ZNF354A: variants seen among roughly 807,000 people sequenced by gnomAD.
The protein encoded by ZNF354A is zinc finger protein 354A.
A neutral mutation model predicts 53.3 loss-of-function variants in ZNF354A; 25 were observed. The observed-to-expected ratio is 0.47, with a 90% CI of 0.34 to 0.66. ZNF354A has a LOEUF of 0.66. Among genes scored for constraint, ZNF354A ranks in the 30% least tolerant of loss-of-function variants. ZNF354A has a pLI of 0.01. For synonymous variants in ZNF354A, 228 were observed against 249.0 expected, an observed-to-expected ratio of 0.92 and a Z score of 0.79; for missense variants, 586 against 716.8, an observed-to-expected ratio of 0.82 and a Z score of 2.08.
intron 1 of ZNF354A, chr5:178,729,299 G>GCT (rs1464478664): frequency 1.8e-6 from 1 of 565,674 alleles, no homozygotes; most frequent in African/African-American, 1.9e-5. Flanking sequence ...TGGCAGCAGC[G>GCT]ACCCGCTGAG....
rs542067743 is a variant in ZNF354A at position 178,713,705 on chromosome 5, T to C, written c.257-84A>G. ...AGACTAAAAGTGTAGAAGGAATAAA[T>C]ATTGGTGACATTTAAATAAGACCCT... is the stretch of plus-strand genomic sequence containing the variant. On this transcript the variant is annotated intron_variant, in intron 4 of 4. Transcript: ENST00000335815. 82 of 1,444,404 alleles carry C rather than the reference T, an allele frequency of 5.7e-5. No individual in the cohort carries two copies. In the African/African-American group the frequency reaches 1.1e-3, roughly 19 times the overall value. The allele number at this position is 1,444,404 out of a possible 1,614,324, so 89.5% of individuals were successfully genotyped here. A position where few individuals can be genotyped will look rare whatever the true frequency, so the allele number is the denominator to read the frequency against.
At chr5:178,716,402 ACATGCAGCTT>A (rs1419389132) in intron 4 of ZNF354A, among the ~76,000 whole-genome samples, 1 of 152,120 alleles carries the variant, frequency 6.6e-6, no homozygotes, top group African/African-American at 2.4e-5. Flanking sequence ...ATGCTGAACT[ACATGCAGCTT>A]CAGGAGCACT....
intron 4 of ZNF354A, among the ~76,000 whole-genome samples, chr5:178,720,438 C>T (rs961006899): frequency 6.6e-6 from 1 of 152,184 alleles, no homozygotes; most frequent in East Asian, 1.9e-4. Flanking sequence ...AATTTGGACA[C>T]AGGCATCCAG....
At chr5:178,723,503 T>G (rs180983203) in intron 4 of ZNF354A, among the ~76,000 whole-genome samples, 1 of 152,234 alleles carries the variant, frequency 6.6e-6, no homozygotes. Context: ...TGGACCTTCA[T>G]GAACACCTTT....
intron 4 of ZNF354A, among the ~76,000 whole-genome samples, chr5:178,720,650 C>T (rs950752255): frequency 1.3e-5 from 2 of 152,206 alleles, no homozygotes; most frequent in Non-Finnish European, 2.9e-5. Context: ...AACTGTGAGA[C>T]AGTAAATCTC....
intron 1 of ZNF354A, among the ~76,000 whole-genome samples, chr5:178,729,763 T>C (rs1033058896): frequency 2.0e-5 from 3 of 151,632 alleles, no homozygotes; most frequent in African/African-American, 7.3e-5. Flanking sequence ...CCCAGGCTGG[T>C]CTCGAACTCC....
chr5:178,729,546 C>T (rs1472466338), intron 1 of ZNF354A, among the ~76,000 whole-genome samples: 1 of 149,886 alleles, frequency 6.7e-6, no homozygotes, highest in South Asian at 2.1e-4. Flanking sequence ...CCCGACTCCA[C>T]GGAAAACGGC....
intron 4 of ZNF354A, among the ~76,000 whole-genome samples, chr5:178,716,579 G>C (rs1283457859): frequency 2.6e-5 from 4 of 152,140 alleles, no homozygotes; most frequent in African/African-American, 7.2e-5. Flanking sequence ...CTTATACTTT[G>C]GAGTGTGCGC....
rs369423717 is a variant in ZNF354A at position 178,727,044 on chromosome 5, A to G, written c.115T>C (p.Tyr39His). The G allele has an allele frequency of 9.9e-6, 16 of 1,613,934 alleles. No homozygotes were observed. Among genetic ancestry groups the G allele is most frequent in the Non-Finnish European group, 1.4e-5 (16 of 1,179,952 alleles). Residue 39 changes from tyrosine to histidine, a missense_variant, in exon 3 of 5, where the codon TAC (tyrosine) becomes CAC (histidine). By Grantham distance (83) the Tyr-to-His change is moderately conservative. Around this residue, in one of 2 missense-constraint regions of ZNF354A, gnomAD observed 573 missense variants for 680.1 expected, o/e 0.84. Transcript: ENST00000335815. ...RKLAPSQRNL[Y>H]RDVMLENYRN... ...TAGTTCTCCAGCATCACATCCCGGTACAAGTTTCTCTGAGAAGGGGCCAGC... is the reference window on the plus strand; with the variant it reads ...TAGTTCTCCAGCATCACATCCCGGTGCAAGTTTCTCTGAGAAGGGGCCAGC...
At chr5:178,724,129 C>T (rs1029103143) in intron 4 of ZNF354A, among the ~76,000 whole-genome samples, 6 of 152,076 alleles carry the variant, frequency 3.9e-5, no homozygotes, top group Admixed American at 6.5e-5. Context: ...ACGTGGGCGC[C>T]GCCTCCTCCC....
rs756534992 is a variant in ZNF354A at position 178,712,179 on chromosome 5, C to T, written c.1699G>A (p.Ala567Thr). ...TCTCCAGTATGAATTCTCTGATGTG[C>T]AATACGTGATGAGCTTTGTCTAAAA... ...KTFRQSSSRI[A>T]HQRIHTGEKP... The change falls in exon 5 of 5, where the codon GCA becomes ACA. Residue 567 changes from alanine (A) to threonine (T), a missense_variant. Ala to Thr is a moderately conservative substitution (Grantham distance 58). Transcript: ENST00000335815. The T allele has an allele frequency of 1.9e-5, 31 of 1,613,664 alleles. No homozygotes were observed. The highest frequency in any genetic ancestry group is 2.5e-5 in the Non-Finnish European group (29 of 1,179,936).
At chr5:178,720,238 C>T (rs992123297) in intron 4 of ZNF354A, among the ~76,000 whole-genome samples, 3 of 152,212 alleles carry the variant, frequency 2.0e-5, no homozygotes, top group Non-Finnish European at 4.4e-5. Context: ...ACCAGCAACA[C>T]TATTCTATTG....
intron 4 of ZNF354A, among the ~76,000 whole-genome samples, chr5:178,714,093 C>T (rs1429172699): frequency 1.3e-5 from 2 of 151,678 alleles, no homozygotes; most frequent in Non-Finnish European, 2.9e-5. Context: ...TGCAACCGGT[C>T]TCCTGGCTTC....
Position 178,711,994 on chromosome 5 carries a change from T to A in ZNF354A, c.*66A>T. On this transcript the variant is annotated 3_prime_UTR_variant, in exon 5 of 5. Coordinates refer to ENST00000335815, the MANE Select transcript of ZNF354A (RefSeq NM_005649.3). ...TTTCACATCCATTACATTTATTACA[T>A]CTCTCTCAAGGATGTATTCTTCGAT... 4 of 1,503,622 alleles carry A rather than the reference T, an allele frequency of 2.7e-6. No individual in the cohort carries two copies. Among genetic ancestry groups the A allele is most frequent in the Non-Finnish European group, 3.5e-6 (4 of 1,127,640 alleles). The allele number at this position is 1,503,622 out of a possible 1,614,324, so 93.1% of individuals were successfully genotyped here.
intron 4 of ZNF354A, among the ~76,000 whole-genome samples, chr5:178,723,386 G>A (rs988490525): frequency 1.3e-5 from 2 of 152,302 alleles, no homozygotes; most frequent in Middle Eastern, 3.4e-3. Flanking sequence ...GGCTACTTAC[G>A]GCTCCTCAGA....
Position 178,730,572 on chromosome 5 carries a change from G to T in ZNF354A, c.-68C>A, listed in dbSNP as rs76563149. 36,769 of 151,742 alleles carry T rather than the reference G, an allele frequency of 0.24. 5,194 individuals are homozygous for T. The highest frequency in any genetic ancestry group is 0.34 in the South Asian group (1,661 of 4,820). 9.4% of individuals were successfully genotyped at this position (151,742 alleles called of 1,614,324 possible). A position where few individuals can be genotyped will look rare whatever the true frequency, so the allele number is the denominator to read the frequency against. On this transcript the variant is annotated 5_prime_UTR_variant, in exon 1 of 5. Coordinates refer to ENST00000335815, the MANE Select transcript of ZNF354A (RefSeq NM_005649.3). The stretch of plus-strand genomic sequence containing the variant: ...GACGCTCACCTCCCTAAGCTCGAGC[G>T]TCCCGGGCCGCGCCTCCCCAGCCGC...
At chr5:178,723,295 G>A (rs561390665) in intron 4 of ZNF354A, among the ~76,000 whole-genome samples, 1 of 152,312 alleles carries the variant, frequency 6.6e-6, no homozygotes, top group Admixed American at 6.5e-5. Flanking sequence ...TGAGCCCTCT[G>A]GACCTGACAA....
chr5:178,717,133 A>G (rs1004275598), intron 4 of ZNF354A, among the ~76,000 whole-genome samples: 49 of 151,200 alleles, frequency 3.2e-4, no homozygotes, highest in African/African-American at 1.1e-3. Flanking sequence ...GTGGAGCAGG[A>G]GGTGGGGGAC....
intron 4 of ZNF354A, among the ~76,000 whole-genome samples, chr5:178,715,999 T>C (rs1469588266): frequency 2.0e-5 from 3 of 151,332 alleles, no homozygotes; most frequent in African/African-American, 7.3e-5. Context: ...CAGGTTCAAG[T>C]GATTCTCCTG....
Sources: allele counts gnomAD v4.1 joint callset (sites outside exome capture counted in the v4.1 genomes callset), GRCh38; gene constraint gnomAD v4.1.1; regional missense constraint gnomAD v4.1.1; transcripts MANE v1.5; gene names NCBI Gene and HGNC (gene_info 2026-07-23, HGNC 2026-07-21).